The following NEK1 variants were observed in gnomAD, a reference collection of about 807,000 sequenced individuals.
NEK1 encodes the protein serine/threonine-protein kinase Nek1.
In NEK1, 137 loss-of-function variants were observed where a neutral mutation model predicts 182.1. The observed-to-expected ratio is 0.75, with a 90% CI of 0.65 to 0.87. NEK1 has a LOEUF of 0.87. Ranked by LOEUF, NEK1 falls within the 40% of genes least tolerant of loss-of-function variation. The pLI is 0.00. For synonymous variants in NEK1, 513 were observed against 492.2 expected (o/e 1.04, Z -0.56); for missense variants, 1,391 against 1,494.4 (o/e 0.93, Z 1.14).
rs182336845 is a variant in NEK1, at chr4:169,432,759, T to A, written c.2885+786A>T. 8.5e-3 allele frequency among the ~76,000 whole-genome samples: 1,288 copies of A among 152,192 alleles called. 11 individuals are homozygous for A. The highest frequency in any genetic ancestry group is 0.014 in the Non-Finnish European group (945 of 68,000). On this transcript the variant is annotated intron_variant, in intron 29 of 35. Coordinates refer to ENST00000507142, the MANE Select transcript of NEK1 (RefSeq NM_001199397.3). ...TGTAAGCAAGACTTTTTACTGCATA[T>A]CATCATACTTTAATTAATTAATTAA...
chr4:169,424,903 C>G, intron 30 of NEK1, 103 bp from the exon 31 acceptor site: 3 of 1,216,124 alleles, frequency 2.5e-6, no homozygotes, highest in Non-Finnish European at 3.3e-6. Context: ...AGCAAAAAAC[C>G]CACATATCAG....
chr4:169,546,313 C>T (rs1222710005), intron 18 of NEK1, among the ~76,000 whole-genome samples: 2 of 152,130 alleles, frequency 1.3e-5, no homozygotes, highest in African/African-American at 4.8e-5. Context: ...TTTCTTAATC[C>T]TGAGTTCTAA....
chr4:169,606,081 TA>T (rs1239568957), intron 2 of NEK1, among the ~76,000 whole-genome samples: 1 of 151,730 alleles, frequency 6.6e-6, no homozygotes, highest in Non-Finnish European at 1.5e-5. Context: ...AGAAGAAAAT[TA>T]AAAAGTCAGA....
chr4:169,497,933 G>C (rs1211838892), intron 23 of NEK1, among the ~76,000 whole-genome samples: 1 of 152,194 alleles, frequency 6.6e-6, no homozygotes, highest in Non-Finnish European at 1.5e-5. Flanking sequence ...CCTTGGTGCA[G>C]AGCTGAGTTC....
chr4:169,464,587 T>C (rs1744583743), intron 26 of NEK1, among the ~76,000 whole-genome samples: 1 of 152,096 alleles, frequency 6.6e-6, no homozygotes, highest in African/African-American at 2.4e-5. Context: ...GCATTTTGGA[T>C]TTCAGATTTT....
intron 19 of NEK1, among the ~76,000 whole-genome samples, chr4:169,515,800 A>G (rs1417417084): frequency 3.8e-5 from 1 of 26,574 alleles, no homozygotes; most frequent in African/African-American, 1.5e-4. Context: ...ATGGTTTCCA[A>G]TTTCATCCAT....
chr4:169,445,842 C>CTA (rs1206499120), intron 27 of NEK1, among the ~76,000 whole-genome samples: 1 of 108,538 alleles, frequency 9.2e-6, no homozygotes, highest in Non-Finnish European at 1.7e-5. Context: ...AACAAAACAA[C>CTA]TATATACATA....
chr4:169,569,725 T>C (rs369456256), intron 12 of NEK1, among the ~76,000 whole-genome samples: 45 of 152,114 alleles, frequency 3.0e-4, no homozygotes, highest in African/African-American at 9.4e-4. Context: ...AGCTCCTAAC[T>C]GCGAGTGATC....
In NEK1 at chr4:169,405,317, C is replaced by T. The variant is rs561983976; in HGVS notation, c.3374+1279G>A. Among the ~76,000 whole-genome samples, 14 of 152,208 alleles carry T rather than the reference C, an allele frequency of 9.2e-5. No homozygotes were observed. The South Asian group carries it at 1.0e-3, about 11-fold the overall frequency. ...TACTGGAAGCAACTGTAACACAATG[C>T]TATCTGTCTATTCTAAATATATCTA... On this transcript the variant is annotated intron_variant, in intron 32 of 35. Coordinates refer to ENST00000507142, the MANE Select transcript of NEK1 (RefSeq NM_001199397.3).
chr4:169,478,478 C>T (rs1035790470), intron 24 of NEK1: 11 of 152,004 alleles, frequency 7.2e-5, no homozygotes, highest in South Asian at 2.1e-4. Flanking sequence ...ACGTGGCACA[C>T]GCAAAGTCGT....
chr4:169,598,165 T>C (rs921037624), intron 5 of NEK1, among the ~76,000 whole-genome samples: 1 of 152,156 alleles, frequency 6.6e-6, no homozygotes, highest in Non-Finnish European at 1.5e-5. Context: ...GAAAATGTTA[T>C]AAACTTTAGA....
intron 2 of NEK1, among the ~76,000 whole-genome samples, chr4:169,604,022 T>G (rs1470234635): frequency 1.3e-5 from 2 of 152,254 alleles, no homozygotes; most frequent in Middle Eastern, 3.4e-3. Flanking sequence ...ACATTTCTAT[T>G]TTTTCTCTTT....
In NEK1 at chr4:169,556,108, C is replaced by A. The variant is rs1234420320; in HGVS notation, c.1267-13G>T. 3 of 1,606,434 alleles carry A rather than the reference C, an allele frequency of 1.9e-6. No homozygotes were observed. The African/African-American group carries it at 4.0e-5, about 22-fold the overall frequency. On this transcript the variant is annotated splice_polypyrimidine_tract_variant and intron_variant, in intron 16 of 35. Coordinates refer to ENST00000507142, the MANE Select transcript of NEK1 (RefSeq NM_001199397.3). ...CCAGAAAAGGAGCCTAGGGATTAAA[C>A]AAAGAGCTCTCACATGTTTATCTTA...
chr4:169,586,262 A>C (rs1767520862), intron 9 of NEK1, among the ~76,000 whole-genome samples: 1 of 152,082 alleles, frequency 6.6e-6, no homozygotes, highest in Non-Finnish European at 1.5e-5. Flanking sequence ...ATATCTTCTT[A>C]ATATACATAT....
At chr4:169,534,680 A>T (rs1758175406) in intron 19 of NEK1, among the ~76,000 whole-genome samples, 1 of 152,246 alleles carries the variant, frequency 6.6e-6, no homozygotes, top group African/African-American at 2.4e-5. Flanking sequence ...TTAGCACTGA[A>T]GACTGTTCTG....
At chr4:169,502,175 C>T (rs551375019) in intron 23 of NEK1, among the ~76,000 whole-genome samples, 66 of 151,122 alleles carry the variant, frequency 4.4e-4, no homozygotes, top group African/African-American at 1.4e-3. Context: ...CACAATCTCC[C>T]AAGATTGAAC....
rs1772446154 is a variant in NEK1 at position 169,612,290 on chromosome 4, G to C, written c.-241C>G. The C allele has an allele frequency of 6.6e-6, 1 of 152,306 alleles. No homozygotes were observed. The highest frequency in any genetic ancestry group is 2.4e-5 in the African/African-American group (1 of 41,478). 9.4% of individuals were successfully genotyped at this position (152,306 alleles called of 1,614,324 possible). A position where few individuals can be genotyped will look rare whatever the true frequency, so the allele number is the denominator to read the frequency against. ...TGTCTCGGGCGACGCCCGTAAGACA[G>C]GTCGACACTACCCCGACGAAACAAA... On this transcript the variant is annotated 5_prime_UTR_variant, in exon 1 of 36. Transcript: ENST00000507142.
At chr4:169,602,338 C>T (rs528217275) in intron 3 of NEK1, among the ~76,000 whole-genome samples, 176 bp downstream of exon 3, 3 of 151,674 alleles carry the variant, frequency 2.0e-5, no homozygotes, top group East Asian at 1.9e-4. Context: ...AACATAAGCA[C>T]ATATCATAGA....
chr4:169,600,966 T>C (rs764683411), intron 4 of NEK1, among the ~76,000 whole-genome samples: 7 of 152,150 alleles, frequency 4.6e-5, no homozygotes, highest in Admixed American at 2.0e-4. Flanking sequence ...ACTTGAAATA[T>C]TAAAATTTTG....
Sources: gnomAD v4.1 joint callset for allele counts (sites outside exome capture counted in the v4.1 genomes callset) on GRCh38, gnomAD v4.1.1 for gene constraint, MANE v1.5 for transcripts, NCBI Gene and HGNC (gene_info 2026-07-23, HGNC 2026-07-21) for gene names.